WASF3: variants seen among roughly 807,000 people sequenced by gnomAD.
WASF3 encodes actin-binding protein WASF3.
In WASF3, 11 loss-of-function variants were observed where a neutral mutation model predicts 46.6. That is an observed-to-expected ratio of 0.24 (90% confidence interval 0.15 to 0.39). The LOEUF (loss-of-function observed/expected upper bound fraction) is 0.39. Among genes scored for constraint, WASF3 ranks in the 10% least tolerant of loss-of-function variants. The probability of loss-of-function intolerance (pLI) is 1.00; values close to 1 mark genes in which losing one functional copy is unlikely to be tolerated. For missense variants in WASF3, 576 were observed against 669.8 expected, an observed-to-expected ratio of 0.86 and a Z score of 1.55; for synonymous variants, 242 against 259.7, an observed-to-expected ratio of 0.93 and a Z score of 0.65.
At chr13:26,565,112 G>C (rs1348662735) in intron 1 of WASF3, among the ~76,000 whole-genome samples, 4 of 150,812 alleles carry the variant, frequency 2.7e-5, no homozygotes, top group Non-Finnish European at 5.9e-5. Context: ...ACCGGGAGGT[G>C]GTGGCTGCAG....
intron 1 of WASF3, among the ~76,000 whole-genome samples, chr13:26,562,161 G>A (rs1414873804): frequency 6.6e-6 from 1 of 152,232 alleles, no homozygotes; most frequent in Non-Finnish European, 1.5e-5. Flanking sequence ...AGCTGTTGGA[G>A]TAGATGAGGT....
At chr13:26,665,793 A>G (rs1882753165) in intron 4 of WASF3, among the ~76,000 whole-genome samples, 1 of 152,216 alleles carries the variant, frequency 6.6e-6, no homozygotes, top group Admixed American at 6.5e-5. Context: ...TTAAAATTTT[A>G]CTTTCAGTAT....
chr13:26,675,833 A>G (rs905891780), intron 6 of WASF3, among the ~76,000 whole-genome samples: 3 of 152,196 alleles, frequency 2.0e-5, no homozygotes, highest in Non-Finnish European at 4.4e-5. Context: ...CAAGAGGGAA[A>G]CGTAGGAAAT....
Position 26,667,535 on chromosome 13 carries a change from A to G in WASF3, c.287A>G (p.Asn96Ser), listed in dbSNP as rs1477075769. The change falls in exon 5 of 10, where the codon AAC becomes AGC. Residue 96 changes from asparagine to serine, a missense_variant. Transcript: ENST00000335327. ...TVEEVSLQDI[N>S]MKKAFKSSTV... is the part of the protein sequence containing the mutation. ...TAAATAGTCTCACTACAGGATATCA[A>G]CATGAAAAAAGCTTTCAAAAGTTCC... 1.9e-6 allele frequency: 3 copies of G among 1,613,984 alleles called. No homozygotes were observed. Among genetic ancestry groups the G allele is most frequent in the Non-Finnish European group, 8.5e-7 (1 of 1,179,998 alleles).
At chr13:26,673,164 ATGTGCC>A (rs2137486177) in intron 6 of WASF3, among the ~76,000 whole-genome samples, 1 of 152,312 alleles carries the variant, frequency 6.6e-6, no homozygotes, top group Admixed American at 6.5e-5. Context: ...TGCCTTTAAA[ATGTGCC>A]TGTTTTTTTA....
intron 2 of WASF3, chr13:26,619,496 G>A (rs1358213915): frequency 6.6e-6 from 1 of 152,202 alleles, no homozygotes; most frequent in African/African-American, 2.4e-5. Flanking sequence ...AGATGCGGAT[G>A]GATCACATCC....
chr13:26,601,682 T>G (rs1260678703), intron 1 of WASF3, among the ~76,000 whole-genome samples: 1 of 152,278 alleles, frequency 6.6e-6, no homozygotes, highest in Non-Finnish European at 1.5e-5. Flanking sequence ...TCTACATTCC[T>G]GTACCCTTTC....
chr13:26,592,439 T>A (rs925191660), intron 1 of WASF3, among the ~76,000 whole-genome samples: 17 of 152,314 alleles, frequency 1.1e-4, no homozygotes, highest in South Asian at 4.1e-4. Flanking sequence ...TTCTGGAGGC[T>A]ATGAAGTCCA....
upstream of WASF3, among the ~76,000 whole-genome samples, chr13:26,556,433 G>A (rs1000486955): frequency 1.6e-4 from 25 of 152,176 alleles, no homozygotes; most frequent in Non-Finnish European, 3.1e-4. Context: ...TGTCACTCTA[G>A]TATCAATATT....
In WASF3 at chr13:26,681,130, C is replaced by G. The variant is rs1340392397; in HGVS notation, c.793C>G (p.Pro265Ala). Residue 265 changes from proline to alanine, a missense_variant, in exon 8 of 10, where the codon CCT (proline) becomes GCT (alanine). Physicochemically the swap from Pro to Ala is conservative, Grantham distance 27 (BLOSUM62 -1). Coordinates refer to ENST00000335327, the MANE Select transcript of WASF3 (RefSeq NM_006646.6). ...TTCTCTGCACCCCCAGCCTGTGACC[C>G]CTTCCTATGCAGCTGGTGACGTGCC... ...NHSLHPQPVTPSYAAGDVPPH... is the reference protein window; with the variant it reads ...NHSLHPQPVTASYAAGDVPPH... The G allele has an allele frequency of 3.1e-6, 5 of 1,614,204 alleles. 1 individual carries two copies. In the South Asian group the frequency reaches 5.5e-5, roughly 18 times the overall value.
rs147093143 is a variant in WASF3, at chr13:26,593,596, A to G, written c.-108-19365A>G. Among the ~76,000 whole-genome samples the G allele has an allele frequency of 2.1e-3, 322 of 152,054 alleles. 3 individuals carry two copies. Among genetic ancestry groups the G allele is most frequent in the Middle Eastern group, 3.4e-3 (1 of 294 alleles). Reference sequence around the variant, plus strand: ...TGCCTTAGCATTTATTTCATGTCATATTTTCTTGCAGATTTATTTATTTGC... The same window carrying G: ...TGCCTTAGCATTTATTTCATGTCATGTTTTCTTGCAGATTTATTTATTTGC... On this transcript the variant is annotated intron_variant, in intron 1 of 9. Transcript: ENST00000335327.
intron 1 of WASF3, among the ~76,000 whole-genome samples, chr13:26,585,906 T>TA: frequency 6.6e-6 from 1 of 152,310 alleles, no homozygotes; most frequent in Non-Finnish European, 1.5e-5. Context: ...GTAGAAAACT[T>TA]ACCTCATAGG....
At chr13:26,539,234 C>A in the WASF3 span, among the ~76,000 whole-genome samples, 5 of 151,944 alleles carry the variant, frequency 3.3e-5, no homozygotes, top group East Asian at 9.6e-4. Context: ...GAACCAGAGC[C>A]AAGGTTAGTT....
chr13:26,542,924 G>C, the WASF3 span, among the ~76,000 whole-genome samples: 2 of 152,194 alleles, frequency 1.3e-5, no homozygotes, highest in Non-Finnish European at 2.9e-5. Context: ...TGCAGAAATA[G>C]TATCTGCACA....
Position 26,679,821 on chromosome 13 carries a change from A to G in WASF3, c.717-1233A>G, listed in dbSNP as rs955325333. Among the ~76,000 whole-genome samples the G allele has an allele frequency of 1.3e-5, 2 of 152,248 alleles. No homozygotes were observed. Among genetic ancestry groups the G allele is most frequent in the African/African-American group, 4.8e-5 (2 of 41,468 alleles). On this transcript the variant is annotated intron_variant, in intron 7 of 9. Coordinates refer to ENST00000335327, the MANE Select transcript of WASF3 (RefSeq NM_006646.6). The surrounding 1 kb of genome is among the most constrained non-coding windows in gnomAD (Gnocchi z 4.8). ...ATAATCCAGAATTCATACTGCAATTAGGGAAGAAAATAATGAGTAGTTATT... is the reference window on the plus strand; with the variant it reads ...ATAATCCAGAATTCATACTGCAATTGGGGAAGAAAATAATGAGTAGTTATT...
At chr13:26,605,405 C>T (rs1880763513) in intron 1 of WASF3, among the ~76,000 whole-genome samples, 1 of 152,150 alleles carries the variant, frequency 6.6e-6, no homozygotes, top group African/African-American at 2.4e-5. Context: ...TTGTGTGGCA[C>T]TTAAAAGTGG....
Position 26,665,048 on chromosome 13 carries a change from T to C in WASF3, c.154T>C (p.Phe52Leu). The part of the protein sequence containing the change: ...SSLSKHAEDI[F>L]GELFNEANNF... ...TACAGGCAAACATGCTGAAGACATA[T>C]TTGGTGAGTTGTTTAATGAGGCTAA... Residue 52 changes from phenylalanine to leucine, a missense_variant, in exon 4 of 10, where the codon TTT (phenylalanine) becomes CTT (leucine). This residue lies in a region of WASF3 where 213 missense variants were observed against 278.0 expected (regional missense o/e 0.77). Transcript: ENST00000335327. The C allele has an allele frequency of 6.2e-7, 1 of 1,614,098 alleles. No individual in the cohort carries two copies. The highest frequency in any genetic ancestry group is 8.5e-7 in the Non-Finnish European group (1 of 1,179,972).
intron 2 of WASF3, among the ~76,000 whole-genome samples, chr13:26,627,119 G>C (rs1881490236): frequency 6.6e-6 from 1 of 152,072 alleles, no homozygotes; most frequent in Admixed American, 6.5e-5. Flanking sequence ...CAGTATTCAG[G>C]CATTTAATTG....
At chr13:26,552,995 T>C (rs1464596877), upstream of WASF3, among the ~76,000 whole-genome samples, 1 of 152,206 alleles carries the variant, frequency 6.6e-6, no homozygotes, top group East Asian at 1.9e-4. Context: ...TAGAAATATA[T>C]CCAAGATTTT....
Sources: allele counts gnomAD v4.1 joint callset (sites outside exome capture counted in the v4.1 genomes callset), GRCh38; gene constraint gnomAD v4.1.1; regional missense constraint gnomAD v4.1.1; non-coding constraint Gnocchi (gnomAD v3.1); transcripts MANE v1.5; gene names NCBI Gene and HGNC (gene_info 2026-07-23, HGNC 2026-07-21).